SH3TC2: variants seen among roughly 807,000 people sequenced by gnomAD.
The protein encoded by SH3TC2 is SH3 domain and tetratricopeptide repeat-containing protein 2.
SH3TC2 carries 87 observed loss-of-function variants against 124.5 expected under a neutral mutation model. The observed-to-expected ratio is 0.70, with a 90% CI of 0.59 to 0.84. The LOEUF (loss-of-function observed/expected upper bound fraction) is 0.84. SH3TC2 is among the 40% of genes least tolerant of loss of function. The pLI, the probability that SH3TC2 is intolerant of heterozygous loss-of-function variation, is 0.00. For missense variants in SH3TC2, 1,536 were observed against 1,566.4 expected (o/e 0.98, Z 0.33); for synonymous variants, 634 against 628.5 (o/e 1.01, Z -0.13).
At position 149,050,791 on chromosome 5, in the gene SH3TC2, C is replaced by T. The variant is rs142779041; in HGVS notation, c.151+1351G>A. 8.0e-3 allele frequency among the ~76,000 whole-genome samples: 1,215 copies of T among 152,234 alleles called. 16 individuals are homozygous for T. The highest frequency in any genetic ancestry group is 9.6e-3 in the Non-Finnish European group (655 of 67,998). On this transcript the variant is annotated intron_variant, in intron 2 of 16. Transcript: ENST00000515425. ...ATGACATGTATACAATATCTATTTA[C>T]GTAGTCTAGATCCTTTAAATATTTA... is the stretch of plus-strand genomic sequence containing the variant.
At chr5:149,006,389 T>C in intron 16 of SH3TC2, 1 of 197,294 alleles carries the variant, frequency 5.1e-6, no homozygotes, top group African/African-American at 2.3e-5. Context: ...AACATGTTAA[T>C]ATGCACCCAC....
At chr5:149,058,989 G>T (rs1754699648) in intron 1 of SH3TC2, among the ~76,000 whole-genome samples, 1 of 152,110 alleles carries the variant, frequency 6.6e-6, no homozygotes, top group Non-Finnish European at 1.5e-5. Context: ...AAGAATGTGG[G>T]CTGTGGCCCT....
At chr5:149,061,257 G>T (rs1165415273) in intron 1 of SH3TC2, among the ~76,000 whole-genome samples, 1 of 152,152 alleles carries the variant, frequency 6.6e-6, no homozygotes, top group East Asian at 1.9e-4. Context: ...GTTTTCAGCT[G>T]CGTAACTCTG....
intron 12 of SH3TC2, among the ~76,000 whole-genome samples, chr5:149,017,608 T>C (rs901673916): frequency 6.6e-6 from 1 of 152,096 alleles, no homozygotes; most frequent in African/African-American, 2.4e-5. Context: ...AAAGGCAGCA[T>C]AAGATCATAA....
chr5:149,026,658 G>A lies in SH3TC2; in HGVS notation c.2967C>T (p.Ala989=), dbSNP rs1020061675. The stretch of plus-strand genomic sequence containing the variant: ...CCCGGTCCCTGAGTTGCTGAGCCAG[G>A]GCCAGCCAGTGCTCATGGTAGGTGA... ...ACITYHEHWL[A]LAQQLRDREM... The change falls in exon 12 of 17, where the codon GCC becomes GCT. Residue 989 remains alanine, a synonymous_variant. Transcript: ENST00000515425. 2 of 1,614,054 alleles carry A rather than the reference G, an allele frequency of 1.2e-6. No homozygotes were observed. Among genetic ancestry groups the A allele is most frequent in the African/African-American group, 1.3e-5 (1 of 74,928 alleles).
intron 8 of SH3TC2, chr5:149,034,553 T>A (rs756036049): frequency 1.9e-5 from 7 of 375,740 alleles, no homozygotes; most frequent in South Asian, 1.5e-4. Flanking sequence ...ATATCATTTT[T>A]AACATGATGT....
chr5:149,038,023 C>T (rs949464681), intron 8 of SH3TC2, among the ~76,000 whole-genome samples: 1 of 152,156 alleles, frequency 6.6e-6, no homozygotes, highest in African/African-American at 2.4e-5. Flanking sequence ...CAAAACCACA[C>T]CCTCAGTGCC....
At chr5:149,021,002 T>G (rs1174711035) in intron 12 of SH3TC2, among the ~76,000 whole-genome samples, 1 of 152,132 alleles carries the variant, frequency 6.6e-6, no homozygotes, top group Admixed American at 6.5e-5. Context: ...CAAGTTTACA[T>G]TGAACATCCT....
chr5:149,050,177 A>G (rs1754532746), intron 2 of SH3TC2, among the ~76,000 whole-genome samples: 1 of 152,208 alleles, frequency 6.6e-6, no homozygotes, highest in Non-Finnish European at 1.5e-5. Context: ...AACCGTGAGA[A>G]CTGATACTTA....
intron 12 of SH3TC2, 123 bp from the exon 13 acceptor site, chr5:149,012,857 G>A: frequency 1.8e-6 from 2 of 1,131,140 alleles, no homozygotes; most frequent in Non-Finnish European, 1.3e-6. Context: ...CAGGGAGGTG[G>A]GCCTGATTGA....
chr5:149,004,896 G>A lies in SH3TC2; in HGVS notation c.3682C>T (p.His1228Tyr), dbSNP rs1371380897. Reference sequence around the variant, plus strand: ...AGAAGGAAGTACTCAGTGGCATCATGGGCATCCTAACCCCGTGGTATGGGG... The same window carrying A: ...AGAAGGAAGTACTCAGTGGCATCATAGGCATCCTAACCCCGTGGTATGGGG... ...RLTFCQLKDA[H>Y]DATEYFLLAL... Residue 1228 changes from histidine to tyrosine, a missense_variant, in exon 17 of 17, where the codon CAT becomes TAT. His to Tyr is a moderately conservative substitution (Grantham distance 83). Coordinates refer to ENST00000515425, the MANE Select transcript of SH3TC2 (RefSeq NM_024577.4). 3.1e-6 allele frequency: 5 copies of A among 1,614,070 alleles called. No homozygotes were observed. Among genetic ancestry groups the A allele is most frequent in the Non-Finnish European group, 4.2e-6 (5 of 1,180,030 alleles).
rs949760126 is a variant in SH3TC2, at chr5:148,993,127, G to A, written c.*11584C>T. ...TTAGGCATTTGTCCCTCACCGTTTC[G>A]ATTGAAATAATCAGTTCAAAATAAA... On this transcript the variant is annotated 3_prime_UTR_variant, in exon 17 of 17. Coordinates refer to ENST00000515425, the MANE Select transcript of SH3TC2 (RefSeq NM_024577.4). 1.3e-4 allele frequency among the ~76,000 whole-genome samples: 20 copies of A among 152,108 alleles called. No individual in the cohort carries two copies. Among genetic ancestry groups the A allele is most frequent in the Non-Finnish European group, 2.8e-4 (19 of 68,010 alleles).
rs1753759058 is a variant in SH3TC2 at position 149,010,127 on chromosome 5, G to A, written c.3327+143C>T. On this transcript the variant is annotated intron_variant, in intron 14 of 16. Coordinates refer to ENST00000515425, the MANE Select transcript of SH3TC2 (RefSeq NM_024577.4). ...GCTCCCACTAGGTTGAAGAGAGAGT[G>A]AGTAGGTGGGCACTGGACAAGAAAG... 12 of 1,096,832 alleles carry A rather than the reference G, an allele frequency of 1.1e-5. No individual in the cohort carries two copies. The East Asian group carries it at 3.0e-4, about 27-fold the overall frequency. 67.9% of individuals were successfully genotyped at this position (1,096,832 alleles called of 1,614,324 possible).
At chr5:149,010,426 G>A (rs756375643) in intron 13 of SH3TC2, 34 bp from the exon 14 acceptor site, 47 of 1,612,614 alleles carry the variant, frequency 2.9e-5, no homozygotes, top group Middle Eastern at 1.9e-4. Flanking sequence ...TAAAGGCAGA[G>A]AGGAGGGCTT....
At chr5:149,018,531 G>A (rs936465308) in intron 12 of SH3TC2, among the ~76,000 whole-genome samples, 1 of 152,164 alleles carries the variant, frequency 6.6e-6, no homozygotes, top group Non-Finnish European at 1.5e-5. Flanking sequence ...AGCAAAAAGG[G>A]TTTCCTGTTA....
In SH3TC2 at chr5:148,990,033, C is replaced by G. The variant is rs557486021; in HGVS notation, c.*14678G>C. On this transcript the variant is annotated 3_prime_UTR_variant, in exon 17 of 17. Coordinates refer to ENST00000515425, the MANE Select transcript of SH3TC2 (RefSeq NM_024577.4). ...GAGTCATTTCCAAGCAACCTCTCCT[C>G]TCACTCAAAATATAGCTCCCTTAAG... 6.6e-6 allele frequency among the ~76,000 whole-genome samples: 1 copy of G among 152,212 alleles called. No homozygotes were observed. The highest frequency in any genetic ancestry group is 6.5e-5 in the Admixed American group (1 of 15,290).
At position 148,986,784 on chromosome 5, in the gene SH3TC2, T is replaced by C. The variant is rs1274458959; in HGVS notation, c.*17927A>G. Among the ~76,000 whole-genome samples, 3 of 152,140 alleles carry C rather than the reference T, an allele frequency of 2.0e-5. No homozygotes were observed. Among genetic ancestry groups the C allele is most frequent in the Non-Finnish European group, 4.4e-5 (3 of 68,038 alleles). ...GTGACGAGCCTAAATCCCATTCCCATGCTGTAATCTCCCAGTCCTGTTCTG... is the reference window on the plus strand; with the variant it reads ...GTGACGAGCCTAAATCCCATTCCCACGCTGTAATCTCCCAGTCCTGTTCTG... On this transcript the variant is annotated 3_prime_UTR_variant, in exon 17 of 17. Transcript: ENST00000515425.
Position 149,038,468 on chromosome 5 carries a change from C to T in SH3TC2, c.828G>A (p.Leu276=), listed in dbSNP as rs1754319874. Reference sequence around the variant, plus strand: ...CCTTTTCTCCTGGCTCATAACCCGTCAAGGCCTTACAGCGTCCTCTGCCTG... The same window carrying T: ...CCTTTTCTCCTGGCTCATAACCCGTTAAGGCCTTACAGCGTCCTCTGCCTG... ...YQIGRGRCKA[L]TGYEPGEKDE... The change falls in exon 8 of 17, where the codon TTG becomes TTA. Residue 276 remains leucine, a synonymous_variant. Transcript: ENST00000515425. 13 of 1,614,084 alleles carry T rather than the reference C, an allele frequency of 8.1e-6. No individual in the cohort carries two copies. In the East Asian group the frequency reaches 2.9e-4, roughly 36 times the overall value.
chr5:149,051,680 C>T (rs1309300139), intron 2 of SH3TC2, among the ~76,000 whole-genome samples: 2 of 152,150 alleles, frequency 1.3e-5, no homozygotes, highest in African/African-American at 4.8e-5. Context: ...GCCCCAACTC[C>T]TGGGCTCAAG....
Sources: allele counts gnomAD v4.1 joint callset (sites outside exome capture counted in the v4.1 genomes callset), GRCh38; gene constraint gnomAD v4.1.1; transcripts MANE v1.5; gene names NCBI Gene and HGNC (gene_info 2026-07-23, HGNC 2026-07-21).